The following ZNF385D variants were observed in gnomAD, a reference collection of about 807,000 sequenced individuals.
ZNF385D encodes zinc finger protein 659.
A neutral mutation model predicts 35.8 loss-of-function variants in ZNF385D; 15 were observed. The ratio of observed to expected loss-of-function variants is 0.42; its 90% CI spans 0.28 to 0.64. The LOEUF (loss-of-function observed/expected upper bound fraction) is 0.64, where lower values mean the gene tolerates loss of function less well. ZNF385D is among the 30% of genes least tolerant of loss of function. The pLI is 0.23. For missense variants in ZNF385D, 474 were observed against 494.6 expected (o/e 0.96, Z 0.39); for synonymous variants, 212 against 186.8 (o/e 1.13, Z -1.10).
chr3:21,906,372 A>G (rs1231158672), intron 3 of ZNF385D, among the ~76,000 whole-genome samples: 1 of 152,280 alleles, frequency 6.6e-6, no homozygotes, highest in East Asian at 1.9e-4. Context: ...GTAGCATCCA[A>G]ATGGACCTGT....
chr3:22,220,025 C>T (rs545334758), intron 2 of ZNF385D, among the ~76,000 whole-genome samples: 1 of 150,986 alleles, frequency 6.6e-6, no homozygotes, highest in East Asian at 1.9e-4. Context: ...TCTTTCTCAT[C>T]TGGAAAGTTA....
At chr3:21,987,644 G>A (rs1190703762) in intron 3 of ZNF385D, among the ~76,000 whole-genome samples, 2 of 139,818 alleles carry the variant, frequency 1.4e-5, no homozygotes, top group African/African-American at 5.7e-5. Flanking sequence ...ACAATTATGT[G>A]TCTTGGAGTT....
chr3:21,971,259 C>T (rs1427379118), intron 3 of ZNF385D, among the ~76,000 whole-genome samples: 1 of 151,844 alleles, frequency 6.6e-6, no homozygotes, highest in Non-Finnish European at 1.5e-5. Flanking sequence ...ATAATAACTA[C>T]AACAACTTAA....
intron 2 of ZNF385D, among the ~76,000 whole-genome samples, chr3:22,318,135 T>G (rs1704003053): frequency 6.6e-6 from 1 of 152,178 alleles, no homozygotes; most frequent in South Asian, 2.1e-4. Flanking sequence ...GTTAATATTT[T>G]TTAATGTAAG....
intron 1 of ZNF385D, among the ~76,000 whole-genome samples, chr3:21,710,221 G>A (rs1448161270): frequency 1.3e-5 from 2 of 152,086 alleles, no homozygotes; most frequent in African/African-American, 4.8e-5. Flanking sequence ...ATGTGGTAGT[G>A]GTTACATAGA....
At chr3:22,042,068 C>T (rs1392349107) in intron 3 of ZNF385D, among the ~76,000 whole-genome samples, 1 of 151,982 alleles carries the variant, frequency 6.6e-6, no homozygotes, top group African/African-American at 2.4e-5. Flanking sequence ...TAACTACTTC[C>T]TAAATATGTT....
At chr3:21,461,752 C>G (rs987994308) in intron 4 of ZNF385D, among the ~76,000 whole-genome samples, 3 of 152,226 alleles carry the variant, frequency 2.0e-5, no homozygotes, top group Non-Finnish European at 4.4e-5. Context: ...CATACACTAT[C>G]AACTTGTAGC....
intron 3 of ZNF385D, among the ~76,000 whole-genome samples, chr3:22,032,731 T>C (rs563077069): frequency 6.6e-6 from 1 of 152,280 alleles, no homozygotes; most frequent in East Asian, 1.9e-4. Flanking sequence ...TGGTAACTTA[T>C]GGGGTCGGCT....
intron 2 of ZNF385D, among the ~76,000 whole-genome samples, chr3:21,568,340 GAC>G (rs1308004308): frequency 2.9e-4 from 44 of 151,956 alleles, no homozygotes; most frequent in Admixed American, 2.8e-3. Flanking sequence ...CAAATCAGGG[GAC>G]ACACACACAG....
Position 22,355,019 on chromosome 3 carries a change from T to C in ZNF385D, c.106+17431A>G, listed in dbSNP as rs75203933. 3.9e-5 allele frequency among the ~76,000 whole-genome samples: 6 copies of C among 152,202 alleles called. No homozygotes were observed. The East Asian group carries it at 1.2e-3, about 29-fold the overall frequency. ...TGTACCCTTTATTATACAAATTTAA[T>C]TATAAAATTGGATAAATTGAAATTA... On this transcript the variant is annotated intron_variant, in intron 2 of 5. Transcript: ENST00000494108.
chr3:22,099,236 A>G (rs199691180), intron 3 of ZNF385D, among the ~76,000 whole-genome samples: 3 of 152,254 alleles, frequency 2.0e-5, no homozygotes, highest in East Asian at 3.9e-4. Flanking sequence ...GTATTAAGCT[A>G]CTGTTATGGC....
In ZNF385D at chr3:21,746,447, T is replaced by G. The variant is rs1029246863; in HGVS notation, c.22+4448A>C. On this transcript the variant is annotated intron_variant, in intron 1 of 7. Transcript: ENST00000281523. ...GAGAATAGTCTTGAGGAAGAAATCT[T>G]TATGGCTTTTAAAGTTATCTTAGAT... is the stretch of plus-strand genomic sequence containing the variant. 2.0e-5 allele frequency among the ~76,000 whole-genome samples: 3 copies of G among 152,206 alleles called. No individual in the cohort carries two copies. The South Asian group carries it at 6.2e-4, about 31-fold the overall frequency.
At chr3:21,474,404 C>T (rs1704101154) in intron 4 of ZNF385D, among the ~76,000 whole-genome samples, 2 of 151,984 alleles carry the variant, frequency 1.3e-5, no homozygotes, top group Non-Finnish European at 2.9e-5. Context: ...AGTAGGTGCC[C>T]CAGAAACAAA....
intron 2 of ZNF385D, among the ~76,000 whole-genome samples, chr3:22,255,073 C>T (rs1371500262): frequency 6.6e-6 from 1 of 151,670 alleles, no homozygotes; most frequent in East Asian, 1.9e-4. Flanking sequence ...TGGAACTTTC[C>T]ATTTAGTATT....
At chr3:21,885,978 A>G (rs1370343405) in intron 3 of ZNF385D, among the ~76,000 whole-genome samples, 4 of 152,120 alleles carry the variant, frequency 2.6e-5, no homozygotes, top group African/African-American at 4.8e-5. Flanking sequence ...GCTTTACTCA[A>G]AGTCCACTGA....
chr3:21,961,128 TTGAG>T (rs1194573266), intron 3 of ZNF385D, among the ~76,000 whole-genome samples: 3 of 152,102 alleles, frequency 2.0e-5, no homozygotes, highest in African/African-American at 7.2e-5. Context: ...TTATCCTGAT[TTGAG>T]TATTATACAC....
At chr3:22,123,663 C>G (rs1165042369) in intron 3 of ZNF385D, among the ~76,000 whole-genome samples, 1 of 152,274 alleles carries the variant, frequency 6.6e-6, no homozygotes, top group African/African-American at 2.4e-5. Flanking sequence ...CATTCAAGAC[C>G]AGCCTGGCCA....
chr3:21,962,081 T>C (rs1702628837), intron 3 of ZNF385D, among the ~76,000 whole-genome samples: 1 of 152,118 alleles, frequency 6.6e-6, no homozygotes, highest in African/African-American at 2.4e-5. Flanking sequence ...TATGGGTGTC[T>C]TTCAAAGGTC....
At chr3:22,161,577 A>G (rs1705953492) in intron 3 of ZNF385D, among the ~76,000 whole-genome samples, 1 of 152,132 alleles carries the variant, frequency 6.6e-6, no homozygotes, top group Admixed American at 6.6e-5. Flanking sequence ...CATTTAGTCA[A>G]CTTCTAATAT....
Sources: allele counts gnomAD v4.1 joint callset (sites outside exome capture counted in the v4.1 genomes callset), GRCh38; gene constraint gnomAD v4.1.1; transcripts MANE v1.5; gene names NCBI Gene and HGNC (gene_info 2026-07-23, HGNC 2026-07-21).